Variants in GHR observed in about 807,000 individuals in gnomAD.
GHR encodes growth hormone receptor, also known as GH receptor.
In GHR, 35 loss-of-function variants were observed where a neutral mutation model predicts 67.1. The ratio of observed to expected loss-of-function variants is 0.52; its 90% CI spans 0.40 to 0.69. The LOEUF (loss-of-function observed/expected upper bound fraction) is 0.69, where lower values mean the gene tolerates loss of function less well. Among genes scored for constraint, GHR ranks in the 30% least tolerant of loss-of-function variants. The probability of loss-of-function intolerance (pLI) is 0.00; values close to 1 mark genes in which losing one functional copy is unlikely to be tolerated. For missense variants in GHR, 792 were observed against 764.6 expected, an observed-to-expected ratio of 1.04 and a Z score of -0.42; for synonymous variants, 272 against 269.1, an observed-to-expected ratio of 1.01 and a Z score of -0.10.
At chr5:42,661,058 A>G (rs1338031447) in intron 3 of GHR, among the ~76,000 whole-genome samples, 1 of 152,200 alleles carries the variant, frequency 6.6e-6, no homozygotes, top group Non-Finnish European at 1.5e-5. Context: ...AGTTTAGAGA[A>G]AAAAGAATAA....
intron 2 of GHR, among the ~76,000 whole-genome samples, chr5:42,591,826 TAAAC>T (rs1226478876): frequency 6.6e-6 from 1 of 152,112 alleles, no homozygotes; most frequent in East Asian, 1.9e-4. Context: ...AAGAAACAGA[TAAAC>T]TAATTAATGC....
intron 3 of GHR, among the ~76,000 whole-genome samples, chr5:42,676,902 TG>T (rs1486460852): frequency 6.6e-6 from 1 of 152,144 alleles, no homozygotes; most frequent in Non-Finnish European, 1.5e-5. Context: ...TCCAGCTAGC[TG>T]GGTAAGGGGT....
At chr5:42,576,082 AAT>A (rs1750673359) in intron 2 of GHR, among the ~76,000 whole-genome samples, 1 of 101,188 alleles carries the variant, frequency 9.9e-6, no homozygotes, top group African/African-American at 5.2e-5. Context: ...AATAAAATAA[AAT>A]AAAATAAAAT....
chr5:42,718,193 G>T, intron 9 of GHR, 72 bp downstream of exon 9: 1 of 865,472 alleles, frequency 1.2e-6, no homozygotes, highest in Non-Finnish European at 2.0e-6. Context: ...TATGTTGAAG[G>T]TTTTCTGTAA....
intron 1 of GHR, among the ~76,000 whole-genome samples, chr5:42,470,935 G>A (rs1295172941): frequency 6.6e-6 from 1 of 151,886 alleles, no homozygotes; most frequent in East Asian, 1.9e-4. Context: ...TATAGCTTTT[G>A]TGATCTGGCT....
At chr5:42,482,497 A>G (rs534208066) in intron 1 of GHR, among the ~76,000 whole-genome samples, 3 of 152,218 alleles carry the variant, frequency 2.0e-5, no homozygotes, top group Non-Finnish European at 4.4e-5. Flanking sequence ...CTACAGAGGC[A>G]GGCAGGCCTC....
chr5:42,576,531 G>A (rs1379891040), intron 2 of GHR, among the ~76,000 whole-genome samples: 1 of 152,104 alleles, frequency 6.6e-6, no homozygotes, highest in South Asian at 2.1e-4. Flanking sequence ...AAGCCCTGAG[G>A]GCTGAATAAA....
chr5:42,468,255 C>T, intron 1 of GHR: 3 of 1,555,298 alleles, frequency 1.9e-6, no homozygotes, highest in Non-Finnish European at 2.7e-6. Flanking sequence ...CTTCTTCCTC[C>T]TCCTCCTTTT....
chr5:42,544,787 C>G (rs957279827), intron 1 of GHR, among the ~76,000 whole-genome samples: 2 of 152,104 alleles, frequency 1.3e-5, no homozygotes, highest in African/African-American at 4.8e-5. Context: ...ACAAAGCTGG[C>G]TTTGATCCAC....
At chr5:42,494,631 C>T (rs1746246262) in intron 1 of GHR, among the ~76,000 whole-genome samples, 1 of 152,100 alleles carries the variant, frequency 6.6e-6, no homozygotes, top group Admixed American at 6.5e-5. Flanking sequence ...CTCTGTGTAC[C>T]TTCAAGCCCA....
intron 6 of GHR, among the ~76,000 whole-genome samples, chr5:42,702,526 T>C (rs1340898346): frequency 2.0e-5 from 3 of 152,124 alleles, no homozygotes; most frequent in African/African-American, 4.8e-5. Flanking sequence ...TGGCTCAACA[T>C]ACTGATTTCA....
At chr5:42,478,509 C>A (rs1266357408) in intron 1 of GHR, among the ~76,000 whole-genome samples, 1 of 152,040 alleles carries the variant, frequency 6.6e-6, no homozygotes, top group Non-Finnish European at 1.5e-5. Flanking sequence ...ATTCTTCCTA[C>A]CCATGAGCAT....
In GHR at chr5:42,423,602, G is replaced by A. The variant is rs1742707998; in HGVS notation, c.-365G>A. 6.6e-6 allele frequency among the ~76,000 whole-genome samples: 1 copy of A among 152,144 alleles called. No homozygotes were observed. The highest frequency in any genetic ancestry group is 1.5e-5 in the Non-Finnish European group (1 of 68,016). On this transcript the variant is annotated 5_prime_UTR_variant, in exon 1 of 10. Coordinates refer to ENST00000230882, the MANE Select transcript of GHR (RefSeq NM_000163.5). ...TCGCTTCTGCAACCTGGATCTGGGG[G>A]ACTGCGGGCCAGGCGCGGCGTGACC...
intron 1 of GHR, among the ~76,000 whole-genome samples, chr5:42,511,285 G>A (rs1747003699): frequency 6.6e-6 from 1 of 152,132 alleles, no homozygotes; most frequent in Non-Finnish European, 1.5e-5. Flanking sequence ...TGATTTAAAA[G>A]AACAACACCA....
rs185603269 is a variant in GHR at position 42,434,728 on chromosome 5, G to T, written c.-12+10773G>T. On this transcript the variant is annotated intron_variant, in intron 1 of 9. Coordinates refer to ENST00000230882, the MANE Select transcript of GHR (RefSeq NM_000163.5). ...AGCTATGTTAACTATCTGAATGGGT[G>T]GAATGTGAATTGAGATAACTGGTAC... is the stretch of plus-strand genomic sequence containing the variant. 9.9e-5 allele frequency among the ~76,000 whole-genome samples: 15 copies of T among 152,266 alleles called. No individual in the cohort carries two copies. In the East Asian group the frequency reaches 2.7e-3, roughly 27 times the overall value.
At chr5:42,474,289 G>GAA (rs1422142604) in intron 1 of GHR, among the ~76,000 whole-genome samples, 882 of 23,910 alleles carry the variant, frequency 0.037, 17 homozygotes, top group African/African-American at 0.1. Flanking sequence ...GAAAGAAAAA[G>GAA]AGAAAGAGAA....
chr5:42,524,689 C>T (rs371063869), intron 1 of GHR, among the ~76,000 whole-genome samples: 2 of 152,282 alleles, frequency 1.3e-5, no homozygotes, highest in African/African-American at 4.8e-5. Flanking sequence ...GGCAGACCTC[C>T]CATCACAGAC....
At chr5:42,624,104 G>A (rs1283432239) in intron 2 of GHR, among the ~76,000 whole-genome samples, 9 of 152,030 alleles carry the variant, frequency 5.9e-5, no homozygotes, top group African/African-American at 1.9e-4. Context: ...TTTATGTCTC[G>A]ATTCATTACA....
rs1758955179 is a variant in GHR, at chr5:42,720,261, C to T, written c.*837C>T. The T allele has an allele frequency of 6.6e-6, 1 of 152,118 alleles. No homozygotes were observed. Among genetic ancestry groups the T allele is most frequent in the African/African-American group, 2.4e-5 (1 of 41,418 alleles). 9.4% of individuals were successfully genotyped at this position (152,118 alleles called of 1,614,324 possible). On this transcript the variant is annotated 3_prime_UTR_variant, in exon 10 of 10. Coordinates refer to ENST00000230882, the MANE Select transcript of GHR (RefSeq NM_000163.5). ...AATTTAGAAAACTTTAAAGCGTTTGCACAGATCAACTTACCAGGCACCAAA... is the reference window on the plus strand; with the variant it reads ...AATTTAGAAAACTTTAAAGCGTTTGTACAGATCAACTTACCAGGCACCAAA...
Sources: allele counts gnomAD v4.1 joint callset (sites outside exome capture counted in the v4.1 genomes callset), GRCh38; gene constraint gnomAD v4.1.1; transcripts MANE v1.5; gene names NCBI Gene and HGNC (gene_info 2026-07-23, HGNC 2026-07-21).